Variants in TM9SF4 observed in about 807,000 individuals in gnomAD.
The protein encoded by TM9SF4 is transmembrane 9 superfamily member 4.
TM9SF4 carries 26 observed loss-of-function variants against 90.4 expected under a neutral mutation model. That is an observed-to-expected ratio of 0.29 (90% CI 0.21 to 0.40). The LOEUF (loss-of-function observed/expected upper bound fraction) is 0.40. Among genes scored for constraint, TM9SF4 ranks in the 10% least tolerant of loss-of-function variants. TM9SF4 has a pLI of 1.00. For synonymous variants in TM9SF4, 293 were observed against 315.4 expected, an observed-to-expected ratio of 0.93 and a Z score of 0.75; for missense variants, 549 against 834.8, an observed-to-expected ratio of 0.66 and a Z score of 4.22.
At chr20:32,146,943 C>A in intron 9 of TM9SF4, 88 bp downstream of exon 9, 11 of 1,200,382 alleles carry the variant, frequency 9.2e-6, no homozygotes, top group African/African-American at 1.5e-5. Context: ...TATTATCATT[C>A]AAAGAGGAAA....
chr20:32,160,257 T>G, intron 16 of TM9SF4, 146 bp downstream of exon 16: 1 of 1,193,608 alleles, frequency 8.4e-7, no homozygotes, highest in Non-Finnish European at 1.2e-6. Context: ...TACGTTGCTG[T>G]GCCTCTCCCA....
chr20:32,112,025 C>T (rs1249565783), intron 1 of TM9SF4, among the ~76,000 whole-genome samples: 1 of 152,184 alleles, frequency 6.6e-6, no homozygotes, highest in East Asian at 1.9e-4. Flanking sequence ...CCATCCCCTT[C>T]AGGACAGTAC....
At chr20:32,136,940 G>A (rs1169839325) in intron 3 of TM9SF4, 1 of 471,146 alleles carries the variant, frequency 2.1e-6, no homozygotes. Flanking sequence ...CTCCGTCAGG[G>A]CTACGCATGG....
chr20:32,151,708 T>G (rs897213353), intron 12 of TM9SF4, among the ~76,000 whole-genome samples: 1 of 152,020 alleles, frequency 6.6e-6, no homozygotes, highest in Non-Finnish European at 1.5e-5. Context: ...TGAGATGGAG[T>G]TTTGCTCTTG....
At position 32,164,947 on chromosome 20, in the gene TM9SF4, C is replaced by T. The variant is rs375281473; in HGVS notation, c.1780-348C>T. Among the ~76,000 whole-genome samples the T allele has an allele frequency of 3.2e-4, 48 of 152,264 alleles. 1 individual carries two copies. The East Asian group carries it at 3.5e-3, about 11-fold the overall frequency. On this transcript the variant is annotated intron_variant, in intron 17 of 17. Transcript: ENST00000398022. ...CCTGAAGCTGGGCATCCTGGACACCCCTCCCCTCCCCCACCCACTCCGACT... is the reference window on the plus strand; with the variant it reads ...CCTGAAGCTGGGCATCCTGGACACCTCTCCCCTCCCCCACCCACTCCGACT...
Position 32,136,150 on chromosome 20 carries a change from T to A in TM9SF4, c.206T>A (p.Ile69Lys). Residue 69 changes from isoleucine to lysine, a missense_variant, in exon 3 of 18, where the codon ATA becomes AAA. Coordinates refer to ENST00000398022, the MANE Select transcript of TM9SF4 (RefSeq NM_014742.4). ...YSLPFCQPSKITYKAENLGEV... is the reference protein window; with the variant it reads ...YSLPFCQPSKKTYKAENLGEV... ...CTGCCCTTCTGCCAGCCCAGCAAGA[T>A]AACCTACAAGGCAGAGAATCTGGGT... 8 of 1,614,192 alleles carry A rather than the reference T, an allele frequency of 5.0e-6. No individual in the cohort carries two copies. Among genetic ancestry groups the A allele is most frequent in the Non-Finnish European group, 6.8e-6 (8 of 1,180,014 alleles).
At chr20:32,141,174 G>A (rs1259402306) in intron 3 of TM9SF4, among the ~76,000 whole-genome samples, 3 of 136,618 alleles carry the variant, frequency 2.2e-5, no homozygotes, top group Non-Finnish European at 3.0e-5. Flanking sequence ...CTGAGATCGT[G>A]CCACTGCACT....
intron 1 of TM9SF4, among the ~76,000 whole-genome samples, chr20:32,128,824 GTGTA>G (rs1186861792): frequency 3.1e-4 from 43 of 138,352 alleles, no homozygotes; most frequent in African/African-American, 1.1e-3. Context: ...GTGTGTGTGT[GTGTA>G]TACATTTATA....
At chr20:32,139,462 C>T (rs1236507976) in intron 3 of TM9SF4, among the ~76,000 whole-genome samples, 1 of 152,166 alleles carries the variant, frequency 6.6e-6, no homozygotes, top group Non-Finnish European at 1.5e-5. Flanking sequence ...CTCCTTGGAG[C>T]TCCTGAATCT....
At chr20:32,142,833 C>A in intron 5 of TM9SF4, 149 bp from the exon 6 acceptor site, 1 of 1,037,266 alleles carries the variant, frequency 9.6e-7, no homozygotes, top group Admixed American at 2.6e-5. Context: ...GCAGGGAGCC[C>A]TTGAAGAGCT....
chr20:32,149,083 A>G (rs2046804639), intron 9 of TM9SF4, among the ~76,000 whole-genome samples: 1 of 152,236 alleles, frequency 6.6e-6, no homozygotes, highest in African/African-American at 2.4e-5. Flanking sequence ...GTTATTGTTT[A>G]AAGCATACAT....
chr20:32,144,846 G>T (rs1417259395), intron 6 of TM9SF4, among the ~76,000 whole-genome samples: 1 of 152,340 alleles, frequency 6.6e-6, no homozygotes, highest in Non-Finnish European at 1.5e-5. Context: ...CTAGGAGGTT[G>T]AGGCTGCAGT....
At chr20:32,128,882 A>G (rs1030308684) in intron 1 of TM9SF4, among the ~76,000 whole-genome samples, 1 of 151,272 alleles carries the variant, frequency 6.6e-6, no homozygotes, top group Admixed American at 6.6e-5. Flanking sequence ...TAGAAAGAAA[A>G]GGTGGGAGGT....
At chr20:32,117,488 T>C (rs375165196) in intron 1 of TM9SF4, among the ~76,000 whole-genome samples, 1 of 152,188 alleles carries the variant, frequency 6.6e-6, no homozygotes, top group Non-Finnish European at 1.5e-5. Context: ...TCAGGGAAAC[T>C]TCCTGTTTTC....
intron 1 of TM9SF4, among the ~76,000 whole-genome samples, chr20:32,128,749 A>G (rs776626973): frequency 8.6e-5 from 13 of 151,202 alleles, no homozygotes; most frequent in Non-Finnish European, 1.6e-4. Context: ...GCTGCAAAAG[A>G]CATGATTTTA....
At chr20:32,155,067 G>T (rs1442645253) in intron 12 of TM9SF4, 36 bp from the exon 13 acceptor site, 19 of 1,590,736 alleles carry the variant, frequency 1.2e-5, no homozygotes, top group Non-Finnish European at 1.5e-5. Flanking sequence ...GGAGGTCCCT[G>T]GATGCTGCTC....
intron 1 of TM9SF4, among the ~76,000 whole-genome samples, chr20:32,118,635 A>G (rs867059376): frequency 2.3e-5 from 3 of 128,042 alleles, no homozygotes; most frequent in Non-Finnish European, 3.5e-5. Context: ...TTATTTATTT[A>G]TTTATTTATT....
In TM9SF4 at chr20:32,166,585, T is replaced by G. The variant is rs1038407753; in HGVS notation, c.*1141T>G. The G allele has an allele frequency of 6.6e-6, 1 of 152,278 alleles. No homozygotes were observed. The highest frequency in any genetic ancestry group is 2.4e-5 in the African/African-American group (1 of 41,452). 9.4% of individuals were successfully genotyped at this position (152,278 alleles called of 1,614,324 possible). On this transcript the variant is annotated 3_prime_UTR_variant, in exon 18 of 18. Coordinates refer to ENST00000398022, the MANE Select transcript of TM9SF4 (RefSeq NM_014742.4). ...CTCCTTTTGGGGACACCCAAAACAC[T>G]GCTTGTGAGAAGGAAGATGGAAGGT...
chr20:32,132,676 A>G (rs755603702), intron 1 of TM9SF4, among the ~76,000 whole-genome samples: 3 of 152,192 alleles, frequency 2.0e-5, no homozygotes, highest in Non-Finnish European at 2.9e-5. Context: ...AATGTCCTGG[A>G]GCTTTATTTC....
Sources: allele counts gnomAD v4.1 joint callset (sites outside exome capture counted in the v4.1 genomes callset), GRCh38; gene constraint gnomAD v4.1.1; transcripts MANE v1.5; gene names NCBI Gene and HGNC (gene_info 2026-07-23, HGNC 2026-07-21).